The following PPP6R3 variants were observed in gnomAD, a reference collection of about 807,000 sequenced individuals.
PPP6R3 encodes the protein protein phosphatase 6 regulatory subunit 3, also known as serine/threonine-protein phosphatase 6 regulatory subunit 3.
PPP6R3 carries 38 observed loss-of-function variants against 110.7 expected under a neutral mutation model. The observed-to-expected ratio is 0.34, with a 90% confidence interval of 0.26 to 0.45. PPP6R3 has a LOEUF of 0.45. Among genes scored for constraint, PPP6R3 ranks in the 20% least tolerant of loss-of-function variants. The pLI, the probability that PPP6R3 is intolerant of heterozygous loss-of-function variation, is 1.00. For missense variants in PPP6R3, 870 were observed against 1,062.4 expected, an observed-to-expected ratio of 0.82 and a Z score of 2.52; for synonymous variants, 369 against 373.5, an observed-to-expected ratio of 0.99 and a Z score of 0.14.
chr11:68,590,632 C>T (rs762244321), intron 16 of PPP6R3, 28 bp from the exon 17 acceptor site: 9 of 1,543,952 alleles, frequency 5.8e-6, no homozygotes, highest in Non-Finnish European at 6.2e-6. Flanking sequence ...ATTAATGCTT[C>T]CTACACTTTT....
At chr11:68,602,631 C>T (rs575828983) in intron 21 of PPP6R3, among the ~76,000 whole-genome samples, 2 of 152,080 alleles carry the variant, frequency 1.3e-5, no homozygotes, top group Admixed American at 1.3e-4. Context: ...GTGTGAGAAC[C>T]CTCCTTCCCA....
At chr11:68,581,411 C>G (rs1320128249) in intron 14 of PPP6R3, among the ~76,000 whole-genome samples, 1 of 152,228 alleles carries the variant, frequency 6.6e-6, no homozygotes, top group Non-Finnish European at 1.5e-5. Context: ...TACATCGAAT[C>G]CTATTTTAAC....
chr11:68,477,744 ATATAT>A (rs1565285442), intron 1 of PPP6R3, among the ~76,000 whole-genome samples: 27 of 48,958 alleles, frequency 5.5e-4, no homozygotes, highest in South Asian at 1.5e-3. Flanking sequence ...AAAAAAAAAT[ATATAT>A]ATATATATAT....
chr11:68,528,433 TG>T (rs10557748), intron 2 of PPP6R3, among the ~76,000 whole-genome samples: 1,673 of 127,526 alleles, frequency 0.013, 37 homozygotes, highest in African/African-American at 0.036. Context: ...TTTGTGTGTG[TG>T]GGGGGGGGGG....
At chr11:68,495,884 T>A (rs1229151841) in intron 1 of PPP6R3, among the ~76,000 whole-genome samples, 1 of 152,222 alleles carries the variant, frequency 6.6e-6, no homozygotes, top group Non-Finnish European at 1.5e-5. Context: ...GAGCTCTGTG[T>A]TTATCCTTTT....
At chr11:68,481,623 T>G (rs2098913538) in intron 1 of PPP6R3, among the ~76,000 whole-genome samples, 1 of 152,246 alleles carries the variant, frequency 6.6e-6, no homozygotes, top group African/African-American at 2.4e-5. Context: ...GGCATGTTTG[T>G]ATCTATCTCT....
At chr11:68,511,856 C>T (rs1405572274) in intron 1 of PPP6R3, among the ~76,000 whole-genome samples, 3 of 152,034 alleles carry the variant, frequency 2.0e-5, no homozygotes, top group African/African-American at 7.2e-5. Flanking sequence ...TAGCCAGTTA[C>T]ATATTCAGAT....
intron 1 of PPP6R3, among the ~76,000 whole-genome samples, chr11:68,489,544 C>G (rs1565368617): frequency 1.6e-5 from 1 of 63,312 alleles, no homozygotes; most frequent in African/African-American, 1.2e-4. Flanking sequence ...TTTGCAGATA[C>G]TGTGTGTTTG....
chr11:68,585,520 TA>T (rs2099575472), intron 15 of PPP6R3, among the ~76,000 whole-genome samples: 1 of 152,226 alleles, frequency 6.6e-6, no homozygotes, highest in African/African-American at 2.4e-5. Context: ...ATTATACAGC[TA>T]TATTGTGCTT....
At chr11:68,508,040 TAAA>T (rs61408383) in intron 1 of PPP6R3, among the ~76,000 whole-genome samples, 3 of 142,584 alleles carry the variant, frequency 2.1e-5, no homozygotes, top group African/African-American at 5.1e-5. Flanking sequence ...ACCTCATGTG[TAAA>T]AAAAAAAAAA....
intron 4 of PPP6R3, among the ~76,000 whole-genome samples, chr11:68,546,358 T>C (rs1036789847): frequency 6.6e-6 from 1 of 152,198 alleles, no homozygotes; most frequent in Non-Finnish European, 1.5e-5. Context: ...TTCATTGTGC[T>C]TTTTCTCCTC....
At chr11:68,518,551 G>C (rs1313224134) in intron 1 of PPP6R3, among the ~76,000 whole-genome samples, 6 of 152,116 alleles carry the variant, frequency 3.9e-5, no homozygotes, top group East Asian at 3.8e-4. Context: ...CAGCCACATG[G>C]TCTGTTCTCA....
intron 1 of PPP6R3, among the ~76,000 whole-genome samples, chr11:68,478,884 C>T (rs2098869507): frequency 6.6e-6 from 1 of 151,862 alleles, no homozygotes; most frequent in African/African-American, 2.4e-5. Flanking sequence ...TCTCCATCTC[C>T]TGACATCGTG....
chr11:68,573,137 TA>T (rs2099515777), intron 12 of PPP6R3, among the ~76,000 whole-genome samples: 1 of 108,568 alleles, frequency 9.2e-6, no homozygotes. Flanking sequence ...TATATATATA[TA>T]TATATATATA....
At chr11:68,606,114 C>T (rs1347131084) in intron 22 of PPP6R3, among the ~76,000 whole-genome samples, 3 of 152,108 alleles carry the variant, frequency 2.0e-5, no homozygotes, top group African/African-American at 7.2e-5. Flanking sequence ...TAGGGTTTAT[C>T]CTGGAAGGCA....
chr11:68,596,401 C>T (rs1281056527), intron 19 of PPP6R3, among the ~76,000 whole-genome samples, 183 bp downstream of exon 19: 1 of 152,186 alleles, frequency 6.6e-6, no homozygotes, highest in East Asian at 1.9e-4. Context: ...GGAAGGAGCA[C>T]AGAATGCATT....
chr11:68,477,742 ATAT>A (rs374826713), intron 1 of PPP6R3, among the ~76,000 whole-genome samples: 784 of 49,594 alleles, frequency 0.016, 5 homozygotes, highest in Non-Finnish European at 0.027. Context: ...AAAAAAAAAA[ATAT>A]ATATATATAT....
intron 2 of PPP6R3, among the ~76,000 whole-genome samples, chr11:68,520,006 T>C (rs893284659): frequency 6.6e-6 from 1 of 152,224 alleles, no homozygotes; most frequent in African/African-American, 2.4e-5. Context: ...TCTGTGTGTT[T>C]GTTTTTGTTT....
At chr11:68,506,525 C>T (rs764759056) in intron 1 of PPP6R3, among the ~76,000 whole-genome samples, 1 of 146,710 alleles carries the variant, frequency 6.8e-6, no homozygotes, top group African/African-American at 2.5e-5. Context: ...GTATACAATG[C>T]AGAATAATTA....
Sources: allele counts gnomAD v4.1 joint callset (sites outside exome capture counted in the v4.1 genomes callset), GRCh38; gene constraint gnomAD v4.1.1; transcripts MANE v1.5; gene names NCBI Gene and HGNC (gene_info 2026-07-23, HGNC 2026-07-21).